The following CERKL variants were observed in gnomAD, a reference collection of about 807,000 sequenced individuals.
CERKL encodes CERK like autophagy regulator, also known as ceramide kinase-like protein.
CERKL carries 61 observed loss-of-function variants against 63.4 expected under a neutral mutation model. The observed-to-expected ratio is 0.96, with a 90% confidence interval of 0.78 to 1.19. CERKL has a LOEUF of 1.19. Among genes scored for constraint, CERKL ranks in the 50% most tolerant of loss-of-function variants. The pLI is 0.00. For missense variants in CERKL, 675 were observed against 655.5 expected, an observed-to-expected ratio of 1.03 and a Z score of -0.33; for synonymous variants, 250 against 230.5, an observed-to-expected ratio of 1.08 and a Z score of -0.77.
intron 1 of CERKL, among the ~76,000 whole-genome samples, chr2:181,637,201 T>C (rs900844299): frequency 6.6e-6 from 1 of 152,138 alleles, no homozygotes. Flanking sequence ...AAAAGCAAAA[T>C]TGCACAACCC....
chr2:181,601,467 A>C (rs1386206667), intron 2 of CERKL, among the ~76,000 whole-genome samples: 1 of 152,108 alleles, frequency 6.6e-6, no homozygotes, highest in African/African-American at 2.4e-5. Context: ...AGGCTGAGGC[A>C]GGGAGAATTG....
intron 1 of CERKL, among the ~76,000 whole-genome samples, chr2:181,653,700 A>C (rs896772995): frequency 3.9e-5 from 6 of 152,192 alleles, no homozygotes; most frequent in African/African-American, 1.4e-4. Flanking sequence ...CTATTATAAA[A>C]GGTTGATATA....
At chr2:181,640,333 C>T (rs1445646291) in intron 1 of CERKL, among the ~76,000 whole-genome samples, 1 of 152,168 alleles carries the variant, frequency 6.6e-6, no homozygotes, top group African/African-American at 2.4e-5. Flanking sequence ...CACCCACGTA[C>T]ACATGTAGAC....
In CERKL at chr2:181,537,259, TTCC is replaced by T. The variant is rs1559063250; in HGVS notation, c.*922_*924del. 2 of 453,886 alleles carry T rather than the reference TTCC, an allele frequency of 4.4e-6. No homozygotes were observed. The highest frequency in any genetic ancestry group is 4.7e-5 in the Admixed American group (2 of 42,544). 28.1% of individuals were successfully genotyped at this position (453,886 alleles called of 1,614,324 possible). A position where few individuals can be genotyped will look rare whatever the true frequency, so the allele number is the denominator to read the frequency against. On this transcript the variant is annotated 3_prime_UTR_variant, in exon 13 of 13. Transcript: ENST00000410087. ...TCTAAGGAAATTTACATTTGGTTCTTTCCTACTCAGAACTACTCAGAAACAACT... is the reference window on the plus strand; with the variant it reads ...TCTAAGGAAATTTACATTTGGTTCTTTACTCAGAACTACTCAGAAACAACT...
intron 2 of CERKL, among the ~76,000 whole-genome samples, chr2:181,597,565 A>G (rs183797032): frequency 5.9e-5 from 9 of 152,304 alleles, no homozygotes; most frequent in African/African-American, 2.2e-4. Context: ...ATCAACCCCC[A>G]AAGAATTCAA....
In CERKL at chr2:181,573,849, G is replaced by T; in HGVS notation, c.517C>A (p.Leu173Ile). 1 of 1,612,768 alleles carries T rather than the reference G, an allele frequency of 6.2e-7. No homozygotes were observed. The highest frequency in any genetic ancestry group is 1.1e-5 in the South Asian group (1 of 90,920). Reference protein sequence around the residue: ...PNRPKSLKILLNPQSHKKEAT... With the variant: ...PNRPKSLKILINPQSHKKEAT... ...TCTTTTTTGTGACTTTGGGGGTTAAGGAGTATTTTTAATGACTTCGGTCTG... is the reference window on the plus strand; with the variant it reads ...TCTTTTTTGTGACTTTGGGGGTTAATGAGTATTTTTAATGACTTCGGTCTG... The change falls in exon 3 of 13, where the codon CTT becomes ATT. Residue 173 changes from leucine (L) to isoleucine (I), a missense_variant. Transcript: ENST00000410087.
chr2:181,589,119 C>T (rs1000897860), intron 2 of CERKL, among the ~76,000 whole-genome samples: 3 of 152,052 alleles, frequency 2.0e-5, no homozygotes, highest in Non-Finnish European at 4.4e-5. Context: ...GCTTTTGTTG[C>T]CTGTTCAAGT....
At chr2:181,559,188 C>T (rs1688331601) in intron 4 of CERKL, among the ~76,000 whole-genome samples, 1 of 152,074 alleles carries the variant, frequency 6.6e-6, no homozygotes, top group South Asian at 2.1e-4. Context: ...ATTATCATTA[C>T]TATATGAATG....
chr2:181,553,407 A>T (rs1688071610), intron 5 of CERKL, among the ~76,000 whole-genome samples: 1 of 152,190 alleles, frequency 6.6e-6, no homozygotes, highest in Non-Finnish European at 1.5e-5. Context: ...TCCATGAAAC[A>T]CATTTCCTCC....
chr2:181,548,255 A>G, intron 8 of CERKL: 4 of 521,676 alleles, frequency 7.7e-6, no homozygotes, highest in Non-Finnish European at 1.3e-5. Flanking sequence ...AAAGGAAAGA[A>G]AGGGAAAAAA....
At chr2:181,549,489 C>A in intron 6 of CERKL, 145 bp downstream of exon 6, 1 of 666,106 alleles carries the variant, frequency 1.5e-6, no homozygotes, top group African/African-American at 1.8e-5. Flanking sequence ...TAAAGCATTG[C>A]CTTTTGGTTT....
At chr2:181,594,764 A>C (rs1250130004) in intron 2 of CERKL, among the ~76,000 whole-genome samples, 1 of 152,218 alleles carries the variant, frequency 6.6e-6, no homozygotes, top group Non-Finnish European at 1.5e-5. Context: ...AGGAGAAAAA[A>C]ATGGTTGATT....
chr2:181,572,127 C>T (rs545906385), intron 3 of CERKL, among the ~76,000 whole-genome samples: 1 of 152,168 alleles, frequency 6.6e-6, no homozygotes, highest in African/African-American at 2.4e-5. Flanking sequence ...TCCGCCCCCC[C>T]TCCCAACTTT....
At chr2:181,546,776 A>C (rs1180734455) in intron 10 of CERKL, among the ~76,000 whole-genome samples, 1 of 152,214 alleles carries the variant, frequency 6.6e-6, no homozygotes, top group Non-Finnish European at 1.5e-5. Context: ...AAGATGTCTC[A>C]TATTTTATTC....
chr2:181,576,704 C>T (rs1416503363), intron 2 of CERKL, among the ~76,000 whole-genome samples: 1 of 152,234 alleles, frequency 6.6e-6, no homozygotes, highest in Non-Finnish European at 1.5e-5. Context: ...AGTTGCAATA[C>T]TCCAGGTGGG....
intron 11 of CERKL, among the ~76,000 whole-genome samples, chr2:181,542,774 A>ATT (rs1362081364): frequency 3.9e-5 from 6 of 152,196 alleles, no homozygotes; most frequent in African/African-American, 1.4e-4. Flanking sequence ...AATATGATAA[A>ATT]TCCTGCATAA....
chr2:181,549,568 G>C, intron 6 of CERKL, 66 bp downstream of exon 6: 1 of 1,198,712 alleles, frequency 8.3e-7, no homozygotes, highest in Non-Finnish European at 1.2e-6. Flanking sequence ...ATGGAAATAA[G>C]ATGGCCTTCC....
intron 2 of CERKL, among the ~76,000 whole-genome samples, chr2:181,600,855 G>T (rs972493024): frequency 6.6e-6 from 1 of 152,122 alleles, no homozygotes; most frequent in African/African-American, 2.4e-5. Flanking sequence ...TTGACCAAAT[G>T]GACCTGACAG....
At chr2:181,621,136 TTAAG>T (rs1282629098) in intron 1 of CERKL, among the ~76,000 whole-genome samples, 1 of 152,100 alleles carries the variant, frequency 6.6e-6, no homozygotes, top group Non-Finnish European at 1.5e-5. Flanking sequence ...GAAAAAAGAG[TTAAG>T]TAAATCAGTA....
Sources: allele counts gnomAD v4.1 joint callset (sites outside exome capture counted in the v4.1 genomes callset), GRCh38; gene constraint gnomAD v4.1.1; transcripts MANE v1.5; gene names NCBI Gene and HGNC (gene_info 2026-07-23, HGNC 2026-07-21).